PTP4A1: variants seen among roughly 807,000 people sequenced by gnomAD.
PTP4A1 encodes protein tyrosine phosphatase type IVA 1.
PTP4A1 carries 9 observed loss-of-function variants against 20.5 expected under a neutral mutation model. The observed-to-expected ratio is 0.44, with a 90% CI of 0.26 to 0.77. The LOEUF is 0.77. PTP4A1 is among the 30% of genes least tolerant of loss of function. The pLI is 0.19. For missense variants in PTP4A1, 137 were observed against 218.8 expected (o/e 0.63, Z 2.36); for synonymous variants, 78 against 67.4 (o/e 1.16, Z -0.77).
rs764388811 is a variant in PTP4A1, at chr6:63,583,574, G to C, written c.*3400G>C. Reference sequence around the variant, plus strand: ...TGCCGCAGTAACCAGTTAATAAATTGATAGCTACCATTTATTAATGATTTT... The same window carrying C: ...TGCCGCAGTAACCAGTTAATAAATTCATAGCTACCATTTATTAATGATTTT... On this transcript the variant is annotated 3_prime_UTR_variant, in exon 6 of 6. Transcript: ENST00000626021. 9.2e-5 allele frequency: 14 copies of C among 152,164 alleles called. No individual in the cohort carries two copies. Among genetic ancestry groups the C allele is most frequent in the Non-Finnish European group, 1.5e-4 (10 of 68,024 alleles). The allele number at this position is 152,164 out of a possible 1,614,324, so 9.4% of individuals were successfully genotyped here.
At chr6:63,530,441 A>G (rs1206200384) in intron 2 of PTP4A1, among the ~76,000 whole-genome samples, 1 of 152,150 alleles carries the variant, frequency 6.6e-6, no homozygotes, top group Non-Finnish European at 1.5e-5. Context: ...GTACCATAAG[A>G]TGCTCTAGGT....
intron 1 of PTP4A1, among the ~76,000 whole-genome samples, chr6:63,526,325 AAAAT>A (rs954504452): frequency 3.3e-5 from 5 of 151,970 alleles, no homozygotes; most frequent in South Asian, 2.1e-4. Context: ...ACTCCACCTC[AAAAT>A]AAATAAATAA....
intron 3 of PTP4A1, among the ~76,000 whole-genome samples, chr6:63,563,565 A>G (rs138901097): frequency 6.6e-6 from 1 of 152,368 alleles, no homozygotes; most frequent in East Asian, 1.9e-4. Context: ...GATTATAAAT[A>G]TATTCTATGC....
At chr6:63,548,829 T>C (rs77094836) in intron 2 of PTP4A1, 1 of 751,668 alleles carries the variant, frequency 1.3e-6, no homozygotes, top group African/African-American at 1.7e-5. Flanking sequence ...GTATCTGTCA[T>C]TGTAGTCAGT....
chr6:63,533,837 T>C (rs879916262), intron 2 of PTP4A1, among the ~76,000 whole-genome samples: 2 of 151,566 alleles, frequency 1.3e-5, no homozygotes, highest in Admixed American at 1.3e-4. Flanking sequence ...ACTTTTTTAA[T>C]TAATTAATTA....
intron 3 of PTP4A1, among the ~76,000 whole-genome samples, chr6:63,552,004 C>T (rs1415423728): frequency 2.6e-5 from 4 of 152,280 alleles, no homozygotes; most frequent in South Asian, 2.1e-4. Context: ...AATAAACATA[C>T]GTGTGCATGT....
intron 3 of PTP4A1, among the ~76,000 whole-genome samples, chr6:63,562,716 TTTAA>T (rs557731314): frequency 2.6e-5 from 4 of 152,032 alleles, no homozygotes; most frequent in Non-Finnish European, 5.9e-5. Flanking sequence ...CTATCAAGAG[TTTAA>T]TTGTTCTCTT....
intron 2 of PTP4A1, among the ~76,000 whole-genome samples, chr6:63,532,450 T>C (rs899828877): frequency 3.3e-5 from 5 of 152,138 alleles, no homozygotes; most frequent in Admixed American, 6.5e-5. Flanking sequence ...ACATCCTATG[T>C]ATGGGTCAGC....
At chr6:63,538,089 A>G (rs1010182664) in intron 2 of PTP4A1, among the ~76,000 whole-genome samples, 1 of 152,256 alleles carries the variant, frequency 6.6e-6, no homozygotes, top group Non-Finnish European at 1.5e-5. Flanking sequence ...AAAATTTTTT[A>G]AATTTGCTGA....
At chr6:63,577,504 A>G (rs1447342177) in intron 2 of PTP4A1, among the ~76,000 whole-genome samples, 1 of 152,216 alleles carries the variant, frequency 6.6e-6, no homozygotes. Flanking sequence ...TTTTATAAAT[A>G]CCTACAGTTG....
In PTP4A1 at chr6:63,576,964, G is replaced by A. The variant is rs548254910; in HGVS notation, c.84G>A (p.Ala28=). ...TTATTACACACAATCCAACCAATGC[G>A]ACCTTAAACAAATTTATAGAGGTAA... ...RFLITHNPTN[A]TLNKFIEELK... The change falls in exon 2 of 6, where the codon GCG becomes GCA. Residue 28 remains alanine (A), a synonymous_variant. Coordinates refer to ENST00000626021, the MANE Select transcript of PTP4A1 (RefSeq NM_003463.5). The A allele has an allele frequency of 5.6e-6, 9 of 1,612,508 alleles. No homozygotes were observed. Among genetic ancestry groups the A allele is most frequent in the South Asian group, 4.4e-5 (4 of 90,998 alleles).
At chr6:63,547,871 C>T (rs945322892) in intron 2 of PTP4A1, among the ~76,000 whole-genome samples, 2 of 152,128 alleles carry the variant, frequency 1.3e-5, no homozygotes, top group African/African-American at 4.8e-5. Context: ...TTTGTTCTTG[C>T]ACTTTCCAAC....
At chr6:63,553,603 T>C (rs543546782) in intron 3 of PTP4A1, among the ~76,000 whole-genome samples, 1 of 152,246 alleles carries the variant, frequency 6.6e-6, no homozygotes, top group South Asian at 2.1e-4. Context: ...TAGATCTTGA[T>C]GTTCTAACTA....
intron 1 of PTP4A1, among the ~76,000 whole-genome samples, chr6:63,525,528 G>A (rs1270422301): frequency 6.6e-6 from 1 of 152,192 alleles, no homozygotes; most frequent in Non-Finnish European, 1.5e-5. Flanking sequence ...CCAGAACCTA[G>A]TTCATGCCAC....
intron 2 of PTP4A1, among the ~76,000 whole-genome samples, chr6:63,539,307 A>T (rs1357481174): frequency 6.6e-6 from 1 of 152,234 alleles, no homozygotes; most frequent in Non-Finnish European, 1.5e-5. Context: ...AGTATACTTG[A>T]TCTACCACCT....
At chr6:63,560,939 T>C (rs1776922724) in intron 3 of PTP4A1, among the ~76,000 whole-genome samples, 1 of 152,190 alleles carries the variant, frequency 6.6e-6, no homozygotes, top group African/African-American at 2.4e-5. Flanking sequence ...CAGTAAAGTA[T>C]TGCATAATCA....
chr6:63,547,117 A>G (rs1000813329), intron 2 of PTP4A1, among the ~76,000 whole-genome samples: 2 of 152,022 alleles, frequency 1.3e-5, no homozygotes, highest in African/African-American at 4.8e-5. Flanking sequence ...CTACTCAGAT[A>G]TAATAAGATT....
Position 63,578,887 on chromosome 6 carries a change from T to C in PTP4A1, c.199-11T>C. On this transcript the variant is annotated splice_polypyrimidine_tract_variant and intron_variant, in intron 3 of 5. Transcript: ENST00000626021. ...AATGATCTAAAATGTTTAAATATTC[T>C]TCTGACTTAGGATTGGCCTTTTGAT... The C allele has an allele frequency of 6.6e-7, 1 of 1,521,098 alleles. No individual in the cohort carries two copies. Among genetic ancestry groups the C allele is most frequent in the Non-Finnish European group, 8.8e-7 (1 of 1,132,308 alleles). 94.2% of individuals were successfully genotyped at this position (1,521,098 alleles called of 1,614,324 possible).
At chr6:63,576,319 G>A (rs1450190023) in intron 1 of PTP4A1, 117 bp from the exon 2 acceptor site, 2 of 389,380 alleles carry the variant, frequency 5.1e-6, no homozygotes, top group Non-Finnish European at 9.1e-6. Flanking sequence ...TCGATGAAGC[G>A]GCTCAGGCCC....
Sources: gnomAD v4.1 joint callset for allele counts (sites outside exome capture counted in the v4.1 genomes callset) on GRCh38, gnomAD v4.1.1 for gene constraint, MANE v1.5 for transcripts, NCBI Gene and HGNC (gene_info 2026-07-23, HGNC 2026-07-21) for gene names.